CRPPA: variants seen among roughly 807,000 people sequenced by gnomAD.
CRPPA encodes the protein CDP-L-ribitol pyrophosphorylase A, also known as D-ribitol-5-phosphate cytidylyltransferase.
A neutral mutation model predicts 52.0 loss-of-function variants in CRPPA; 43 were observed. The observed-to-expected ratio is 0.83, with a 90% confidence interval of 0.65 to 1.07. The LOEUF is 1.07. CRPPA is among the 50% of genes least tolerant of loss of function. The probability of loss-of-function intolerance (pLI) is 0.00; values close to 1 mark genes in which losing one functional copy is unlikely to be tolerated. For missense variants in CRPPA, 629 were observed against 551.7 expected, an observed-to-expected ratio of 1.14 and a Z score of -1.40; for synonymous variants, 250 against 203.5, an observed-to-expected ratio of 1.23 and a Z score of -1.94.
At chr7:16,400,521 A>T (rs747290351) in intron 2 of CRPPA, among the ~76,000 whole-genome samples, 7 of 152,244 alleles carry the variant, frequency 4.6e-5, no homozygotes, top group Non-Finnish European at 8.8e-5. Flanking sequence ...CACGACTGGC[A>T]CATGATTGAC....
At chr7:16,116,644 C>A (rs1396291803) in intron 9 of CRPPA, among the ~76,000 whole-genome samples, 1 of 11,152 alleles carries the variant, frequency 9.0e-5, no homozygotes. Context: ...CTGGGCAATA[C>A]AGCGAGACTC....
At chr7:16,409,745 A>C (rs551089103) in intron 1 of CRPPA, among the ~76,000 whole-genome samples, 3 of 152,170 alleles carry the variant, frequency 2.0e-5, no homozygotes, top group African/African-American at 4.8e-5. Context: ...ATATACAAAG[A>C]CATTACATTA....
intron 9 of CRPPA, among the ~76,000 whole-genome samples, chr7:16,121,471 A>C (rs1782479656): frequency 6.6e-6 from 1 of 152,108 alleles, no homozygotes; most frequent in Non-Finnish European, 1.5e-5. Flanking sequence ...GAGAGAATCA[A>C]ATCTCTTGGA....
intron 9 of CRPPA, among the ~76,000 whole-genome samples, chr7:16,183,985 A>G (rs939329321): frequency 6.6e-6 from 1 of 152,106 alleles, no homozygotes; most frequent in African/African-American, 2.4e-5. Context: ...TCTGTCATCC[A>G]GGCTGGACTG....
chr7:16,211,467 C>T (rs184075689), intron 9 of CRPPA, among the ~76,000 whole-genome samples: 7 of 152,244 alleles, frequency 4.6e-5, no homozygotes, highest in South Asian at 2.1e-4. Context: ...CCATATGATT[C>T]GGTGCCATGG....
Position 16,111,118 on chromosome 7 carries a change from G to T in CRPPA, c.1252-19319C>A, listed in dbSNP as rs575307166. Among the ~76,000 whole-genome samples the T allele has an allele frequency of 6.6e-4, 101 of 151,952 alleles. 1 individual carries two copies. The South Asian group carries it at 0.013, about 20-fold the overall frequency. On this transcript the variant is annotated intron_variant, in intron 9 of 9. Transcript: ENST00000407010. ...TAAAAAAAAATTAAAAACGGCAAGG[G>T]ACCTGAATAAACATTTCTCAAAAGA...
intron 3 of CRPPA, among the ~76,000 whole-genome samples, chr7:16,372,369 G>A (rs1188069708): frequency 6.6e-6 from 1 of 152,174 alleles, no homozygotes; most frequent in Non-Finnish European, 1.5e-5. Context: ...AACCTTACAT[G>A]CCAGAGGGAT....
chr7:16,125,923 A>G (rs2128371350), intron 9 of CRPPA, among the ~76,000 whole-genome samples: 1 of 152,026 alleles, frequency 6.6e-6, no homozygotes, highest in Admixed American at 6.5e-5. Flanking sequence ...ACACACACAC[A>G]CACACACACA....
At chr7:16,192,401 T>C (rs1422851859) in intron 9 of CRPPA, among the ~76,000 whole-genome samples, 2 of 152,142 alleles carry the variant, frequency 1.3e-5, no homozygotes, top group Non-Finnish European at 2.9e-5. Flanking sequence ...CACAATCTGA[T>C]GTGATTTCTT....
intron 4 of CRPPA, 145 bp downstream of exon 4, chr7:16,308,378 T>A: frequency 3.5e-6 from 2 of 578,402 alleles, no homozygotes; most frequent in Non-Finnish European, 6.3e-6. Context: ...AGCCAAGCAA[T>A]AGAAGGGATA....
chr7:16,165,507 T>C (rs1237778882), intron 9 of CRPPA, among the ~76,000 whole-genome samples: 1 of 152,216 alleles, frequency 6.6e-6, no homozygotes, highest in Non-Finnish European at 1.5e-5. Flanking sequence ...CATGTTCTTG[T>C]CATTGGAAAA....
chr7:16,325,885 A>T (rs1029622713), intron 3 of CRPPA, among the ~76,000 whole-genome samples: 5 of 152,146 alleles, frequency 3.3e-5, no homozygotes, highest in African/African-American at 1.2e-4. Flanking sequence ...TATTCACTTT[A>T]GAATAGCATC....
chr7:16,218,395 A>G (rs1333002487), intron 8 of CRPPA, among the ~76,000 whole-genome samples: 1 of 128,754 alleles, frequency 7.8e-6, no homozygotes, highest in African/African-American at 2.9e-5. Flanking sequence ...AACGAGCAAA[A>G]TCACCAACTA....
chr7:16,166,285 CTTTT>C (rs202117761), intron 9 of CRPPA, among the ~76,000 whole-genome samples: 1 of 146,994 alleles, frequency 6.8e-6, no homozygotes, highest in African/African-American at 2.5e-5. Flanking sequence ...ACAGCCTAAA[CTTTT>C]TTTTTTTTGA....
intron 3 of CRPPA, among the ~76,000 whole-genome samples, chr7:16,344,496 G>A (rs556967622): frequency 2.0e-5 from 3 of 151,176 alleles, no homozygotes; most frequent in African/African-American, 7.3e-5. Flanking sequence ...GGAAGTTCAA[G>A]GCTACAGTGA....
intron 5 of CRPPA, among the ~76,000 whole-genome samples, chr7:16,301,122 C>G (rs549429276): frequency 6.6e-6 from 1 of 152,292 alleles, no homozygotes; most frequent in African/African-American, 2.4e-5. Flanking sequence ...GAGACCTTTA[C>G]AAAATTATTA....
intron 9 of CRPPA, among the ~76,000 whole-genome samples, chr7:16,205,673 G>C (rs1220401557): frequency 1.3e-5 from 2 of 151,976 alleles, no homozygotes; most frequent in Admixed American, 6.6e-5. Context: ...GCTAGAACTG[G>C]GAAGTGAGTA....
intron 3 of CRPPA, among the ~76,000 whole-genome samples, chr7:16,344,230 C>A (rs1445966472): frequency 6.6e-6 from 1 of 151,794 alleles, no homozygotes; most frequent in Non-Finnish European, 1.5e-5. Flanking sequence ...GAAAAGCAGT[C>A]AAGAGAAACT....
chr7:16,089,473 G>T lies in CRPPA; in HGVS notation c.*2222C>A, dbSNP rs536871020. On this transcript the variant is annotated 3_prime_UTR_variant, in exon 10 of 10. Coordinates refer to ENST00000407010, the MANE Select transcript of CRPPA (RefSeq NM_001101426.4). ...CATACATATATGTGTATATATGTAC[G>T]TACATATATACGGGTATATATGTAC... 1 of 316,208 alleles carries T rather than the reference G, an allele frequency of 3.2e-6. No individual in the cohort carries two copies. 19.6% of individuals were successfully genotyped at this position (316,208 alleles called of 1,614,324 possible).
Sources: allele counts gnomAD v4.1 joint callset (sites outside exome capture counted in the v4.1 genomes callset), GRCh38; gene constraint gnomAD v4.1.1; transcripts MANE v1.5; gene names NCBI Gene and HGNC (gene_info 2026-07-23, HGNC 2026-07-21).